Variants in SND1 observed in about 807,000 individuals in gnomAD.
SND1 encodes the protein staphylococcal nuclease domain-containing protein 1.
In SND1, 38 loss-of-function variants were observed where a neutral mutation model predicts 121.7. The observed-to-expected ratio is 0.31, with a 90% CI of 0.24 to 0.41. SND1 has a LOEUF of 0.41. Among genes scored for constraint, SND1 ranks in the 10% least tolerant of loss-of-function variants. The probability of loss-of-function intolerance (pLI) is 1.00; values close to 1 mark genes in which losing one functional copy is unlikely to be tolerated. For missense variants in SND1, 868 were observed against 1,184.6 expected (o/e 0.73, Z 3.92); for synonymous variants, 401 against 447.4 (o/e 0.90, Z 1.31).
chr7:127,677,062 C>A (rs2116279706), intron 1 of SND1, among the ~76,000 whole-genome samples: 1 of 152,272 alleles, frequency 6.6e-6, no homozygotes, highest in African/African-American at 2.4e-5. Flanking sequence ...CTTCTATATC[C>A]CTAGAGGAAT....
intron 16 of SND1, among the ~76,000 whole-genome samples, chr7:128,034,337 A>T (rs2116996949): frequency 6.6e-6 from 1 of 152,314 alleles, no homozygotes; most frequent in African/African-American, 2.4e-5. Flanking sequence ...AAACCCTGAT[A>T]CTGGGGTTTA....
At chr7:128,031,343 G>A (rs1238473690) in intron 16 of SND1, among the ~76,000 whole-genome samples, 2 of 151,814 alleles carry the variant, frequency 1.3e-5, no homozygotes, top group African/African-American at 2.4e-5. Flanking sequence ...AGGGAGTGCG[G>A]GGGCGCCCCG....
intron 16 of SND1, among the ~76,000 whole-genome samples, chr7:128,070,539 A>G (rs913323966): frequency 6.6e-6 from 1 of 152,318 alleles, no homozygotes; most frequent in South Asian, 2.1e-4. Flanking sequence ...GAAACACTCC[A>G]AGATGCCCAA....
At chr7:128,030,382 T>A (rs1449244934) in intron 16 of SND1, 2 of 1,613,868 alleles carry the variant, frequency 1.2e-6, no homozygotes, top group Non-Finnish European at 1.7e-6. Context: ...ATCATCTGGA[T>A]GTTGTTCTCC....
chr7:127,722,463 T>C (rs1796513485), intron 10 of SND1, among the ~76,000 whole-genome samples: 1 of 151,994 alleles, frequency 6.6e-6, no homozygotes, highest in Non-Finnish European at 1.5e-5. Flanking sequence ...GGACTATAGG[T>C]GTGAGCCACT....
intron 8 of SND1, 151 bp from the exon 9 acceptor site, chr7:127,707,406 A>G (rs1007665859): frequency 3.5e-6 from 2 of 565,874 alleles, no homozygotes; most frequent in African/African-American, 1.9e-5. Flanking sequence ...GTTTTCATTT[A>G]CTCTCGCTCT....
intron 12 of SND1, among the ~76,000 whole-genome samples, chr7:127,872,619 A>AAC (rs147359671): frequency 3.4e-5 from 4 of 116,058 alleles, no homozygotes; most frequent in Admixed American, 9.3e-5. Context: ...GACCTTTTTT[A>AAC]ACACACACGC....
chr7:127,812,499 AT>A (rs1164829542), intron 11 of SND1, among the ~76,000 whole-genome samples: 1 of 152,208 alleles, frequency 6.6e-6, no homozygotes, highest in African/African-American at 2.4e-5. Flanking sequence ...TTGAAGCTTG[AT>A]TTCTCTTTCT....
chr7:127,880,336 G>GA (rs572931190), intron 12 of SND1, among the ~76,000 whole-genome samples: 2 of 152,064 alleles, frequency 1.3e-5, no homozygotes, highest in Non-Finnish European at 2.9e-5. Flanking sequence ...GTATATATAG[G>GA]AAAAAATACA....
chr7:127,731,562 C>T (rs997467991), intron 10 of SND1, among the ~76,000 whole-genome samples: 1 of 152,072 alleles, frequency 6.6e-6, no homozygotes, highest in Admixed American at 6.5e-5. Flanking sequence ...AGCTTTTTGG[C>T]TTTACCTTCC....
chr7:128,074,726 T>C (rs1793477568), intron 17 of SND1, 36 bp downstream of exon 17: 3 of 1,557,230 alleles, frequency 1.9e-6, no homozygotes, highest in Non-Finnish European at 2.6e-6. Flanking sequence ...CTCCCTGCCC[T>C]CCCGTCCTCC....
At chr7:128,000,979 C>G (rs1272631926) in intron 16 of SND1, among the ~76,000 whole-genome samples, 1 of 152,138 alleles carries the variant, frequency 6.6e-6, no homozygotes, top group Non-Finnish European at 1.5e-5. Context: ...TTTACCCTGC[C>G]CTGTTCTTGC....
At chr7:127,720,627 C>T (rs1796477910) in intron 9 of SND1, among the ~76,000 whole-genome samples, 1 of 152,100 alleles carries the variant, frequency 6.6e-6, no homozygotes, top group Admixed American at 6.5e-5. Flanking sequence ...TTCTTCTGAG[C>T]GTGGGGTTCT....
chr7:127,996,833 C>A (rs571057826), intron 16 of SND1, among the ~76,000 whole-genome samples: 1 of 152,154 alleles, frequency 6.6e-6, no homozygotes, highest in East Asian at 1.9e-4. Flanking sequence ...CTCTCTCATC[C>A]CACAAGCTTT....
At chr7:127,824,688 A>G (rs1798611168) in intron 11 of SND1, among the ~76,000 whole-genome samples, 1 of 150,600 alleles carries the variant, frequency 6.6e-6, no homozygotes, top group South Asian at 2.1e-4. Context: ...CATATATGAG[A>G]CTCCTCATGC....
chr7:127,921,831 G>T (rs1378049923), intron 14 of SND1, among the ~76,000 whole-genome samples: 2 of 152,158 alleles, frequency 1.3e-5, no homozygotes, highest in Admixed American at 6.5e-5. Flanking sequence ...ATGTATTTGA[G>T]ATTCATACGT....
At chr7:127,936,946 T>A (rs1801073886) in intron 15 of SND1, among the ~76,000 whole-genome samples, 1 of 152,222 alleles carries the variant, frequency 6.6e-6, no homozygotes, top group Non-Finnish European at 1.5e-5. Context: ...TTATTAGATC[T>A]TAGGTATCAG....
chr7:128,079,126 A>G (rs1793556485), intron 17 of SND1, among the ~76,000 whole-genome samples: 9 of 152,250 alleles, frequency 5.9e-5, no homozygotes, highest in Admixed American at 5.2e-4. Flanking sequence ...CTGGGAGCCC[A>G]GGTGTCAATA....
intron 1 of SND1, among the ~76,000 whole-genome samples, chr7:127,662,711 G>A (rs563737851): frequency 6.6e-6 from 1 of 152,138 alleles, no homozygotes; most frequent in Non-Finnish European, 1.5e-5. Context: ...ATTCCTGAAA[G>A]CCACTTTGCC....
Sources: allele counts gnomAD v4.1 joint callset (sites outside exome capture counted in the v4.1 genomes callset), GRCh38; gene constraint gnomAD v4.1.1; transcripts MANE v1.5; gene names NCBI Gene and HGNC (gene_info 2026-07-23, HGNC 2026-07-21).